SLC8A1: variants seen among roughly 807,000 people sequenced by gnomAD.
SLC8A1 encodes sodium/calcium exchanger 1.
In SLC8A1, 18 loss-of-function variants were observed where a neutral mutation model predicts 68.3. That is an observed-to-expected ratio of 0.26 (90% CI 0.18 to 0.39). SLC8A1 has a LOEUF of 0.39. Among genes scored for constraint, SLC8A1 ranks in the 10% least tolerant of loss-of-function variants. SLC8A1 has a pLI of 1.00. For synonymous variants in SLC8A1, 475 were observed against 415.5 expected (o/e 1.14, Z -1.74); for missense variants, 985 against 1,156.7 (o/e 0.85, Z 2.15).
chr2:40,369,404 G>A (rs1677285849), intron 2 of SLC8A1, among the ~76,000 whole-genome samples: 1 of 152,056 alleles, frequency 6.6e-6, no homozygotes, highest in African/African-American at 2.4e-5. Context: ...GCATTAAGTT[G>A]GAAACAAGTA....
At chr2:40,377,599 T>A (rs1680325573) in intron 2 of SLC8A1, among the ~76,000 whole-genome samples, 1 of 152,108 alleles carries the variant, frequency 6.6e-6, no homozygotes, top group Non-Finnish European at 1.5e-5. Flanking sequence ...TACACACACA[T>A]GCACCACCTG....
chr2:40,205,257 A>C (rs577171530), intron 2 of SLC8A1, among the ~76,000 whole-genome samples: 1 of 151,086 alleles, frequency 6.6e-6, no homozygotes, highest in South Asian at 2.1e-4. Flanking sequence ...TCAATTTAAA[A>C]ATAAATAAAA....
Position 40,130,818 on chromosome 2 carries a change from A to T in SLC8A1, c.2437+8583T>A, listed in dbSNP as rs115164253. On this transcript the variant is annotated intron_variant, in intron 7 of 7. Transcript: ENST00000406785. ...CTTGACACTGGCTATCTGACTTGAAATGTCAATGTTGAGAGGAGAAAGCTC... is the reference window on the plus strand; with the variant it reads ...CTTGACACTGGCTATCTGACTTGAATTGTCAATGTTGAGAGGAGAAAGCTC... 6.6e-3 allele frequency among the ~76,000 whole-genome samples: 1,001 copies of T among 152,308 alleles called. 4 individuals are homozygous for T. Among genetic ancestry groups the T allele is most frequent in the Non-Finnish European group, 0.011 (751 of 68,020 alleles).
At chr2:40,119,243 G>GT (rs2036229186) in intron 7 of SLC8A1, among the ~76,000 whole-genome samples, 1 of 151,922 alleles carries the variant, frequency 6.6e-6, no homozygotes, top group Admixed American at 6.6e-5. Context: ...AGTAAAACAT[G>GT]TTTTTGGCTA....
At position 40,290,491 on chromosome 2, in the gene SLC8A1, G is replaced by C. The variant is rs116467336; in HGVS notation, c.1809-112636C>G. 6.3e-3 allele frequency among the ~76,000 whole-genome samples: 954 copies of C among 152,230 alleles called. 11 individuals carry two copies. Among genetic ancestry groups the C allele is most frequent in the African/African-American group, 0.022 (914 of 41,556 alleles). Reference sequence around the variant, plus strand: ...TCTCAAAGAAAAAGACGGCAGCAGAGTCTGGGCCAGATTTACCATAATGTG... The same window carrying C: ...TCTCAAAGAAAAAGACGGCAGCAGACTCTGGGCCAGATTTACCATAATGTG... On this transcript the variant is annotated intron_variant, in intron 2 of 7. Coordinates refer to ENST00000406785, the Ensembl canonical transcript of SLC8A1.
chr2:40,174,974 A>G, intron 3 of SLC8A1, 132 bp from the exon 5 acceptor site: 1 of 857,196 alleles, frequency 1.2e-6, no homozygotes, highest in Non-Finnish European at 1.9e-6. Flanking sequence ...AAGACTAGGA[A>G]AATGTTCATG....
intron 2 of SLC8A1, among the ~76,000 whole-genome samples, chr2:40,202,794 C>G (rs1184862498): frequency 6.6e-6 from 1 of 151,998 alleles, no homozygotes; most frequent in Non-Finnish European, 1.5e-5. Flanking sequence ...TTAAAAGTCA[C>G]TGTTCATGAA....
chr2:40,342,929 G>T (rs1349886564), intron 2 of SLC8A1, among the ~76,000 whole-genome samples: 2 of 152,082 alleles, frequency 1.3e-5, no homozygotes, highest in African/African-American at 2.4e-5. Context: ...AAATGTGTCT[G>T]CACAGAGGTC....
intron 2 of SLC8A1, among the ~76,000 whole-genome samples, chr2:40,226,751 C>A (rs1246194652): frequency 6.6e-6 from 1 of 152,158 alleles, no homozygotes; most frequent in African/African-American, 2.4e-5. Flanking sequence ...AGGCATCCAA[C>A]TGCTAATGAA....
intron 2 of SLC8A1, among the ~76,000 whole-genome samples, chr2:40,271,550 T>C (rs1294001155): frequency 2.6e-5 from 4 of 152,230 alleles, no homozygotes; most frequent in African/African-American, 7.2e-5. Context: ...CATTACATTA[T>C]ACATTGATTT....
At chr2:40,328,254 G>T (rs1180526457) in intron 2 of SLC8A1, among the ~76,000 whole-genome samples, 2 of 152,054 alleles carry the variant, frequency 1.3e-5, no homozygotes, top group Non-Finnish European at 2.9e-5. Flanking sequence ...GTATTATCCT[G>T]GTCCACATAG....
At chr2:40,110,524 C>A (rs1005454709) in exon 8 of SLC8A1, 3 of 152,152 alleles carry the variant, frequency 2.0e-5, no homozygotes, top group Non-Finnish European at 4.4e-5. Flanking sequence ...AATGCACTCA[C>A]CAATTTAATG....
chr2:40,403,699 G>C (rs552891369), intron 2 of SLC8A1, among the ~76,000 whole-genome samples: 1 of 152,272 alleles, frequency 6.6e-6, no homozygotes, highest in Non-Finnish European at 1.5e-5. Context: ...ATTTCAACAT[G>C]AGCTTTAGAC....
intron 4 of SLC8A1, among the ~76,000 whole-genome samples, chr2:40,170,974 A>G (rs889108564): frequency 1.3e-5 from 2 of 152,152 alleles, no homozygotes; most frequent in East Asian, 3.9e-4. Flanking sequence ...AACTGTTTGG[A>G]TAACCTAGGG....
At chr2:40,272,793 C>T (rs533758527) in intron 2 of SLC8A1, among the ~76,000 whole-genome samples, 2 of 152,288 alleles carry the variant, frequency 1.3e-5, no homozygotes, top group African/African-American at 4.8e-5. Context: ...CTAAATTAGC[C>T]TGAGCTAATT....
At chr2:40,186,402 T>C (rs426295) in intron 2 of SLC8A1, among the ~76,000 whole-genome samples, 37,285 of 152,050 alleles carry the variant, frequency 0.25, 4,854 homozygotes, top group African/African-American at 0.29. Flanking sequence ...AGTTGCTTAC[T>C]GATTTGGGGT....
chr2:40,452,260 G>A (rs1265434310), upstream of SLC8A1, among the ~76,000 whole-genome samples: 1 of 150,924 alleles, frequency 6.6e-6, no homozygotes, highest in Non-Finnish European at 1.5e-5. Flanking sequence ...GCTGCCGGGC[G>A]CCCCGGGGCC....
chr2:40,223,987 C>T (rs547276626), intron 2 of SLC8A1, among the ~76,000 whole-genome samples: 2 of 152,100 alleles, frequency 1.3e-5, no homozygotes, highest in South Asian at 2.1e-4. Flanking sequence ...AGACCTTGCC[C>T]TAAAATGACA....
chr2:40,178,888 C>CA (rs1191603630), intron 2 of SLC8A1, among the ~76,000 whole-genome samples: 5 of 152,052 alleles, frequency 3.3e-5, no homozygotes, highest in Admixed American at 2.0e-4. Context: ...TAGAACAAGT[C>CA]AAAAAATCCC....
Sources: gnomAD v4.1 joint callset for allele counts (sites outside exome capture counted in the v4.1 genomes callset) on GRCh38, gnomAD v4.1.1 for gene constraint, MANE v1.5 for transcripts, NCBI Gene and HGNC (gene_info 2026-07-23, HGNC 2026-07-21) for gene names.